CARMIL1: variants seen among roughly 807,000 people sequenced by gnomAD.
CARMIL1 encodes capping protein regulator and myosin 1 linker 1, also known as F-actin-uncapping protein LRRC16A.
A neutral mutation model predicts 177.1 loss-of-function variants in CARMIL1; 90 were observed. That is an observed-to-expected ratio of 0.51 (90% CI 0.43 to 0.61). The LOEUF (loss-of-function observed/expected upper bound fraction) is 0.61, where lower values mean the gene tolerates loss of function less well. CARMIL1 is among the 20% of genes least tolerant of loss of function. The pLI is 0.00. For missense variants in CARMIL1, 1,380 were observed against 1,667.0 expected, an observed-to-expected ratio of 0.83 and a Z score of 3.00; for synonymous variants, 577 against 606.2, an observed-to-expected ratio of 0.95 and a Z score of 0.71.
intron 29 of CARMIL1, among the ~76,000 whole-genome samples, chr6:25,571,703 C>G (rs1314566924): frequency 6.6e-6 from 1 of 152,202 alleles, no homozygotes; most frequent in African/African-American, 2.4e-5. Flanking sequence ...ATGTGCCAAT[C>G]ACTGTGATTC....
intron 11 of CARMIL1, among the ~76,000 whole-genome samples, chr6:25,477,188 C>G (rs1288734950): frequency 6.6e-6 from 1 of 151,512 alleles, no homozygotes; most frequent in Non-Finnish European, 1.5e-5. Flanking sequence ...ATTTAAACAG[C>G]AAATGGAATG....
intron 8 of CARMIL1, among the ~76,000 whole-genome samples, chr6:25,462,941 A>G (rs1205059082): frequency 6.6e-6 from 1 of 152,202 alleles, no homozygotes; most frequent in East Asian, 1.9e-4. Flanking sequence ...TGAATATGAT[A>G]TGTCATTGTC....
chr6:25,542,194 A>G (rs1278420934), intron 26 of CARMIL1, among the ~76,000 whole-genome samples: 1 of 152,210 alleles, frequency 6.6e-6, no homozygotes, highest in East Asian at 1.9e-4. Flanking sequence ...TTGTCATTTC[A>G]GCTGGTCTAA....
chr6:25,480,881 C>T (rs1269366876), intron 11 of CARMIL1, among the ~76,000 whole-genome samples: 2 of 151,436 alleles, frequency 1.3e-5, no homozygotes, highest in East Asian at 1.9e-4. Flanking sequence ...CCACCACGCC[C>T]GGCTAATTTT....
intron 2 of CARMIL1, among the ~76,000 whole-genome samples, chr6:25,357,158 C>T (rs1788708963): frequency 1.3e-5 from 2 of 148,548 alleles, no homozygotes; most frequent in Non-Finnish European, 3.0e-5. Context: ...GGATTTACTT[C>T]TAAAATAAAC....
intron 5 of CARMIL1, among the ~76,000 whole-genome samples, chr6:25,440,945 G>A (rs1797690310): frequency 6.6e-6 from 1 of 151,900 alleles, no homozygotes; most frequent in South Asian, 2.1e-4. Context: ...AGGTGAATCA[G>A]GAGGAGTTAG....
chr6:25,287,237 G>A (rs1475109564), intron 2 of CARMIL1, among the ~76,000 whole-genome samples: 2 of 152,164 alleles, frequency 1.3e-5, no homozygotes, highest in African/African-American at 2.4e-5. Context: ...CGCTTTTTGA[G>A]TTGTGCTTTT....
intron 4 of CARMIL1, chr6:25,433,234 A>G (rs1046205301): frequency 3.3e-5 from 5 of 152,180 alleles, no homozygotes; most frequent in Non-Finnish European, 5.9e-5. Context: ...ATCCTGTGCA[A>G]TTAAAGATGA....
intron 2 of CARMIL1, among the ~76,000 whole-genome samples, chr6:25,314,923 G>T (rs893351638): frequency 6.6e-6 from 1 of 152,156 alleles, no homozygotes; most frequent in African/African-American, 2.4e-5. Context: ...CTGACTTAGG[G>T]GTTATTATAG....
At chr6:25,485,287 C>G (rs547524275) in intron 12 of CARMIL1, among the ~76,000 whole-genome samples, 1 of 152,106 alleles carries the variant, frequency 6.6e-6, no homozygotes, top group East Asian at 1.9e-4. Flanking sequence ...GAGGACAGCC[C>G]CACGTTGCCT....
At chr6:25,494,133 T>C (rs1371353355) in intron 15 of CARMIL1, among the ~76,000 whole-genome samples, 1 of 150,496 alleles carries the variant, frequency 6.6e-6, no homozygotes, top group Non-Finnish European at 1.5e-5. Context: ...TATTTATTTA[T>C]TATTATTATA....
intron 29 of CARMIL1, among the ~76,000 whole-genome samples, chr6:25,567,086 T>TC (rs1257860760): frequency 2.0e-5 from 3 of 152,152 alleles, no homozygotes. Flanking sequence ...TAACACACTT[T>TC]CCCCCATCAC....
intron 2 of CARMIL1, among the ~76,000 whole-genome samples, chr6:25,322,386 G>A (rs372187839): frequency 1.3e-4 from 20 of 152,338 alleles, no homozygotes; most frequent in African/African-American, 4.3e-4. Context: ...GCCTCCCAAA[G>A]TGTTGGGATT....
At chr6:25,296,939 C>CCT (rs1561949079) in intron 2 of CARMIL1, among the ~76,000 whole-genome samples, 24 of 126,234 alleles carry the variant, frequency 1.9e-4, no homozygotes, top group African/African-American at 6.9e-4. Flanking sequence ...CTATCTTTAA[C>CCT]TAACTAACTA....
intron 2 of CARMIL1, among the ~76,000 whole-genome samples, chr6:25,370,333 A>C (rs1239886235): frequency 6.6e-6 from 1 of 152,154 alleles, no homozygotes; most frequent in Non-Finnish European, 1.5e-5. Context: ...AGGCGGGGGA[A>C]GGTGCTCCTT....
intron 2 of CARMIL1, among the ~76,000 whole-genome samples, chr6:25,309,594 G>A (rs542400423): frequency 1.8e-4 from 27 of 149,534 alleles, no homozygotes; most frequent in African/African-American, 6.3e-4. Flanking sequence ...CTATGGACCG[G>A]CCTAGTCTAG....
intron 29 of CARMIL1, among the ~76,000 whole-genome samples, chr6:25,572,038 T>G (rs534656601): frequency 6.6e-6 from 1 of 152,334 alleles, no homozygotes; most frequent in African/African-American, 2.4e-5. Context: ...AGTGTGTATG[T>G]TAGATATTAT....
Position 25,304,868 on chromosome 6 carries a change from G to C in CARMIL1, c.138+19959G>C, listed in dbSNP as rs544150857. ...ACTTCTATTATGAGGCAGAGCATTT[G>C]GTAAGGATAGTTGAGTCCCTCAGTG... is the stretch of plus-strand genomic sequence containing the variant. On this transcript the variant is annotated intron_variant, in intron 2 of 36. Transcript: ENST00000329474. Among the ~76,000 whole-genome samples, 30 of 152,324 alleles carry C rather than the reference G, an allele frequency of 2.0e-4. No individual in the cohort carries two copies. In the South Asian group the frequency reaches 5.2e-3, roughly 26 times the overall value.
chr6:25,322,073 C>T (rs7759796), intron 2 of CARMIL1, among the ~76,000 whole-genome samples: 41,904 of 152,004 alleles, frequency 0.28, 6,221 homozygotes, highest in East Asian at 0.41. Context: ...CGATATAGCA[C>T]GTACCACCAT....
Sources: gnomAD v4.1 joint callset for allele counts (sites outside exome capture counted in the v4.1 genomes callset) on GRCh38, gnomAD v4.1.1 for gene constraint, MANE v1.5 for transcripts, NCBI Gene and HGNC (gene_info 2026-07-23, HGNC 2026-07-21) for gene names.